Variants in TBCA observed in about 807,000 individuals in gnomAD.
TBCA encodes tubulin-specific chaperone A.
A neutral mutation model predicts 15.8 loss-of-function variants in TBCA; 6 were observed. The observed-to-expected ratio is 0.38, with a 90% CI of 0.21 to 0.75. The LOEUF is 0.75. Ranked by LOEUF, TBCA falls within the 30% of genes least tolerant of loss-of-function variation. The pLI is 0.46. For missense variants in TBCA, 90 were observed against 131.2 expected (o/e 0.69, Z 1.53); for synonymous variants, 32 against 42.3 (o/e 0.76, Z 0.94).
intron 1 of TBCA, among the ~76,000 whole-genome samples, chr5:77,752,502 T>C (rs903964184): frequency 2.0e-4 from 30 of 152,204 alleles, no homozygotes; most frequent in Non-Finnish European, 4.4e-4. Context: ...TAGCTGGGAT[T>C]ACAGGCACAT....
chr5:77,745,970 G>A (rs968324540), intron 1 of TBCA, among the ~76,000 whole-genome samples: 1 of 152,228 alleles, frequency 6.6e-6, no homozygotes, highest in Non-Finnish European at 1.5e-5. Flanking sequence ...TATGCTTGCT[G>A]TTGGGTAAAG....
intron 1 of TBCA, among the ~76,000 whole-genome samples, chr5:77,764,028 T>G (rs534977597): frequency 6.6e-6 from 1 of 152,066 alleles, no homozygotes; most frequent in Admixed American, 6.5e-5. Flanking sequence ...AACAATGGAG[T>G]ATTACACAAC....
intron 1 of TBCA, among the ~76,000 whole-genome samples, chr5:77,710,356 C>T (rs1746247418): frequency 6.6e-6 from 1 of 152,070 alleles, no homozygotes. Flanking sequence ...TTAAAATATA[C>T]TTTGAGATAT....
At chr5:77,723,094 T>C (rs1236304616) in intron 1 of TBCA, among the ~76,000 whole-genome samples, 1 of 151,628 alleles carries the variant, frequency 6.6e-6, no homozygotes, top group Admixed American at 6.6e-5. Context: ...TCAAGAAAAA[T>C]ATTTAGTTTG....
At chr5:77,718,754 A>G (rs1180460010) in intron 1 of TBCA, among the ~76,000 whole-genome samples, 3 of 152,220 alleles carry the variant, frequency 2.0e-5, no homozygotes, top group Non-Finnish European at 4.4e-5. Flanking sequence ...AAAATAAAAC[A>G]AAAGTGTGCT....
intron 1 of TBCA, among the ~76,000 whole-genome samples, chr5:77,727,738 T>C (rs1228618676): frequency 6.6e-6 from 1 of 152,142 alleles, no homozygotes; most frequent in Non-Finnish European, 1.5e-5. Flanking sequence ...CAAGTCTAAC[T>C]CAGCCCAACA....
chr5:77,723,268 AT>A (rs1015138619), intron 1 of TBCA, among the ~76,000 whole-genome samples: 4 of 151,608 alleles, frequency 2.6e-5, no homozygotes, highest in East Asian at 3.9e-4. Context: ...AAGTATTACA[AT>A]TTTTTTTTAA....
At chr5:77,773,236 ACTCTT>A (rs1747951207) in intron 1 of TBCA, among the ~76,000 whole-genome samples, 1 of 152,122 alleles carries the variant, frequency 6.6e-6, no homozygotes, top group South Asian at 2.1e-4. Context: ...TTTTAAAAAT[ACTCTT>A]TACGGGAGCA....
At chr5:77,709,195 G>A (rs1452234391) in intron 1 of TBCA, among the ~76,000 whole-genome samples, 3 of 151,984 alleles carry the variant, frequency 2.0e-5, no homozygotes, top group Non-Finnish European at 4.4e-5. Context: ...CCTTGTGCAA[G>A]GAGCTGGGAT....
intron 1 of TBCA, among the ~76,000 whole-genome samples, chr5:77,714,848 G>A (rs936827102): frequency 4.6e-5 from 7 of 152,092 alleles, no homozygotes; most frequent in Non-Finnish European, 8.8e-5. Context: ...TTACAGACGT[G>A]AGCCACTGCA....
chr5:77,767,916 G>A (rs1747816945), intron 1 of TBCA, among the ~76,000 whole-genome samples: 2 of 152,202 alleles, frequency 1.3e-5, no homozygotes, highest in Non-Finnish European at 2.9e-5. Context: ...ATTAAGAGAT[G>A]GGGCCTTTAG....
chr5:77,776,220 G>GTCTTGA lies in TBCA; in HGVS notation c.32_37dup (p.Ile11_Lys12dup). 6.4e-7 allele frequency: 1 copy of GTCTTGA among 1,574,426 alleles called. No homozygotes were observed. Among genetic ancestry groups the GTCTTGA allele is most frequent in the Non-Finnish European group, 8.6e-7 (1 of 1,161,038 alleles). On this transcript the variant is annotated inframe_insertion, in exon 1 of 4. Coordinates refer to ENST00000380377, the MANE Select transcript of TBCA (RefSeq NM_004607.3). ...GGCTCCTTACCGCTTCACCACGCCG[G>GTCTTGA]TCTTGATCTTGATCTGTCTCACGCG...
At chr5:77,769,313 TAAAAG>T (rs1747851906) in intron 1 of TBCA, among the ~76,000 whole-genome samples, 1 of 152,192 alleles carries the variant, frequency 6.6e-6, no homozygotes, top group South Asian at 2.1e-4. Flanking sequence ...CAAAAGAGGA[TAAAAG>T]AAAACAAAGC....
At chr5:77,772,715 GA>G (rs1747942284) in intron 1 of TBCA, among the ~76,000 whole-genome samples, 1 of 152,052 alleles carries the variant, frequency 6.6e-6, no homozygotes, top group Non-Finnish European at 1.5e-5. Context: ...AATGTCAACA[GA>G]AAAGTCATTT....
intron 1 of TBCA, among the ~76,000 whole-genome samples, chr5:77,720,929 G>A (rs1268522722): frequency 6.6e-6 from 1 of 152,122 alleles, no homozygotes; most frequent in African/African-American, 2.4e-5. Flanking sequence ...AGAGTATTAG[G>A]AGAGGAATAT....
chr5:77,720,345 A>T (rs1276176092), intron 1 of TBCA, among the ~76,000 whole-genome samples: 1 of 152,208 alleles, frequency 6.6e-6, no homozygotes, highest in Non-Finnish European at 1.5e-5. Flanking sequence ...CCTTGTGAAC[A>T]TCATGGGGAA....
intron 1 of TBCA, among the ~76,000 whole-genome samples, chr5:77,724,750 A>C (rs944005321): frequency 2.0e-5 from 3 of 152,146 alleles, no homozygotes; most frequent in Non-Finnish European, 4.4e-5. Context: ...AATTAAAACT[A>C]AAATGGCACT....
intron 2 of TBCA, among the ~76,000 whole-genome samples, chr5:77,704,678 T>TAA (rs11407528): frequency 6.5e-4 from 98 of 150,866 alleles, no homozygotes; most frequent in African/African-American, 2.3e-3. Flanking sequence ...TTGTATATGA[T>TAA]AAAAAAAAAG....
At chr5:77,716,864 A>G (rs546980155) in intron 1 of TBCA, among the ~76,000 whole-genome samples, 13 of 152,358 alleles carry the variant, frequency 8.5e-5, no homozygotes, top group African/African-American at 3.1e-4. Context: ...TGCCCTTCAA[A>G]GGAAGAAACC....
Sources: gnomAD v4.1 joint callset for allele counts (sites outside exome capture counted in the v4.1 genomes callset) on GRCh38, gnomAD v4.1.1 for gene constraint, MANE v1.5 for transcripts, NCBI Gene and HGNC (gene_info 2026-07-23, HGNC 2026-07-21) for gene names.